FTO: variants seen among roughly 807,000 people sequenced by gnomAD.
The protein encoded by FTO is alpha-ketoglutarate-dependent dioxygenase FTO.
Under a neutral mutation model 63.9 loss-of-function variants are expected in FTO, and 47 were observed. That is an observed-to-expected ratio of 0.74 (90% CI 0.58 to 0.94). The LOEUF (loss-of-function observed/expected upper bound fraction) is 0.94. Ranked by LOEUF, FTO falls within the 40% of genes least tolerant of loss-of-function variation. FTO has a pLI of 0.00. For synonymous variants in FTO, 207 were observed against 224.4 expected, an observed-to-expected ratio of 0.92 and a Z score of 0.69; for missense variants, 562 against 618.1, an observed-to-expected ratio of 0.91 and a Z score of 0.96.
chr16:53,704,347 G>A lies in FTO; in HGVS notation c.45+118G>A, dbSNP rs1598447702. ...CGGTGTTAAACTAAGGGATGACAGG[G>A]CCTTGTCAGCAAGGGACCTGGAGAT... On this transcript the variant is annotated intron_variant, in intron 1 of 8. Transcript: ENST00000471389. 5.1e-6 allele frequency: 5 copies of A among 982,936 alleles called. No homozygotes were observed. The East Asian group carries it at 7.8e-5, about 15-fold the overall frequency. The allele number at this position is 982,936 out of a possible 1,614,324, so 60.9% of individuals were successfully genotyped here.
At chr16:53,730,735 G>A (rs1419129224) in intron 1 of FTO, among the ~76,000 whole-genome samples, 1 of 151,910 alleles carries the variant, frequency 6.6e-6, no homozygotes, top group African/African-American at 2.4e-5. Context: ...GGGCTCAAGC[G>A]ATCTGCCTGC....
chr16:54,009,037 T>C (rs183056980), intron 8 of FTO, among the ~76,000 whole-genome samples: 121 of 151,902 alleles, frequency 8.0e-4, no homozygotes, highest in African/African-American at 2.7e-3. Flanking sequence ...GTCTAGCAAC[T>C]TGAGTGTGGC....
intron 1 of FTO, among the ~76,000 whole-genome samples, chr16:53,739,000 T>A (rs964590198): frequency 3.3e-5 from 5 of 151,952 alleles, no homozygotes; most frequent in African/African-American, 1.2e-4. Flanking sequence ...TTTTAAAAAA[T>A]TTTTTGTAGA....
intron 1 of FTO, among the ~76,000 whole-genome samples, chr16:53,792,978 T>A (rs892206211): frequency 6.6e-6 from 1 of 152,202 alleles, no homozygotes; most frequent in Non-Finnish European, 1.5e-5. Flanking sequence ...CAGTATTTGA[T>A]TGTGAGGAAG....
In FTO at chr16:53,876,109, T is replaced by C. The variant is rs200442915; in HGVS notation, c.975+2244T>C. On this transcript the variant is annotated intron_variant, in intron 5 of 8. Transcript: ENST00000471389. ...TTGAATAGGTAGTTAATGCAAATGG[T>C]TCAAAATTAAAAAAAATACCTAAAG... Among the ~76,000 whole-genome samples the C allele has an allele frequency of 1.4e-4, 22 of 152,266 alleles. No homozygotes were observed. The East Asian group carries it at 2.9e-3, about 20-fold the overall frequency.
At chr16:53,860,137 A>C (rs1330665932) in intron 4 of FTO, among the ~76,000 whole-genome samples, 1 of 152,008 alleles carries the variant, frequency 6.6e-6, no homozygotes, top group Non-Finnish European at 1.5e-5. Flanking sequence ...ATAATGAAAT[A>C]TTACTCAGTC....
chr16:54,072,703 A>C (rs2085897900), intron 8 of FTO, among the ~76,000 whole-genome samples: 1 of 152,100 alleles, frequency 6.6e-6, no homozygotes, highest in Non-Finnish European at 1.5e-5. Flanking sequence ...CCCAGGCTGT[A>C]GTTTTGTGCC....
At chr16:53,716,187 T>A (rs2075891262) in intron 1 of FTO, among the ~76,000 whole-genome samples, 1 of 152,102 alleles carries the variant, frequency 6.6e-6, no homozygotes, top group African/African-American at 2.4e-5. Context: ...TTGAAAGAAA[T>A]CTCTTCCTTC....
In FTO at chr16:54,114,162, G is replaced by T. The variant is rs1476334926; in HGVS notation, c.*2247G>T. On this transcript the variant is annotated 3_prime_UTR_variant, in exon 9 of 9. Coordinates refer to ENST00000471389, the MANE Select transcript of FTO (RefSeq NM_001080432.3). ...CCAATAGTCCTAGGCCCCCATCCTC[G>T]CATGGCAGCAAGCTAAATAAGCATC... 6.6e-6 allele frequency: 1 copy of T among 152,082 alleles called. No homozygotes were observed. The highest frequency in any genetic ancestry group is 6.6e-5 in the Admixed American group (1 of 15,266). The allele number at this position is 152,082 out of a possible 1,614,324, so 9.4% of individuals were successfully genotyped here.
chr16:53,720,645 T>C (rs1018428680), intron 1 of FTO, among the ~76,000 whole-genome samples: 1 of 147,406 alleles, frequency 6.8e-6, no homozygotes, highest in East Asian at 2.0e-4. Context: ...ATATATAAAA[T>C]ATATATATAT....
intron 1 of FTO, among the ~76,000 whole-genome samples, chr16:53,765,723 A>G (rs1196830012): frequency 1.3e-5 from 2 of 152,138 alleles, no homozygotes; most frequent in Non-Finnish European, 2.9e-5. Context: ...AAGGGCATAC[A>G]TTTCAGCCTC....
chr16:53,938,257 T>C (rs1248824838), intron 8 of FTO, among the ~76,000 whole-genome samples: 2 of 152,252 alleles, frequency 1.3e-5, no homozygotes, highest in African/African-American at 4.8e-5. Flanking sequence ...GCACATAATG[T>C]TAACTGAGTA....
At chr16:53,964,031 G>A (rs1216069528) in intron 8 of FTO, among the ~76,000 whole-genome samples, 1 of 152,212 alleles carries the variant, frequency 6.6e-6, no homozygotes, top group Non-Finnish European at 1.5e-5. Flanking sequence ...GGGATTACAG[G>A]TGTGAGCCAC....
At chr16:54,010,362 C>T (rs934438524) in intron 8 of FTO, among the ~76,000 whole-genome samples, 38 of 152,226 alleles carry the variant, frequency 2.5e-4, no homozygotes, top group African/African-American at 8.7e-4. Context: ...GCCAAGATTG[C>T]GCCACTACCC....
At chr16:53,930,390 A>C in intron 7 of FTO, among the ~76,000 whole-genome samples, 1 of 151,612 alleles carries the variant, frequency 6.6e-6, no homozygotes, top group African/African-American at 2.4e-5. Flanking sequence ...CGCCCGGCTA[A>C]TTTTTTGTGT....
intron 2 of FTO, 30 bp from the exon 3 acceptor site, chr16:53,825,834 A>C: frequency 6.2e-7 from 1 of 1,608,698 alleles, no homozygotes; most frequent in Non-Finnish European, 8.5e-7. Flanking sequence ...CTATATATCA[A>C]CGTCTGTTTT....
intron 1 of FTO, among the ~76,000 whole-genome samples, chr16:53,808,922 T>G (rs895207759): frequency 6.6e-5 from 10 of 152,254 alleles, no homozygotes; most frequent in Admixed American, 5.9e-4. Flanking sequence ...ACAGATAATG[T>G]CTGTTGTATG....
intron 7 of FTO, among the ~76,000 whole-genome samples, chr16:53,927,667 A>G (rs2082180095): frequency 6.6e-6 from 1 of 152,186 alleles, no homozygotes; most frequent in Non-Finnish European, 1.5e-5. Context: ...GGAAAGGCAT[A>G]CAGGAGACTG....
At chr16:54,028,889 A>G (rs1355784350) in intron 8 of FTO, among the ~76,000 whole-genome samples, 1 of 152,172 alleles carries the variant, frequency 6.6e-6, no homozygotes, top group Non-Finnish European at 1.5e-5. Context: ...TCTTCATTAT[A>G]GAAAACTTGG....
Sources: gnomAD v4.1 joint callset for allele counts (sites outside exome capture counted in the v4.1 genomes callset) on GRCh38, gnomAD v4.1.1 for gene constraint, MANE v1.5 for transcripts, NCBI Gene and HGNC (gene_info 2026-07-23, HGNC 2026-07-21) for gene names.